The following TPD52L1 variants were observed in gnomAD, a reference collection of about 807,000 sequenced individuals.
TPD52L1 encodes tumor protein D53.
In TPD52L1, 18 loss-of-function variants were observed where a neutral mutation model predicts 28.7. That is an observed-to-expected ratio of 0.63 (90% CI 0.43 to 0.93). The LOEUF (loss-of-function observed/expected upper bound fraction) is 0.93. Among genes scored for constraint, TPD52L1 ranks in the 40% least tolerant of loss-of-function variants. The probability of loss-of-function intolerance (pLI) is 0.00; values close to 1 mark genes in which losing one functional copy is unlikely to be tolerated. For synonymous variants in TPD52L1, 75 were observed against 88.8 expected, an observed-to-expected ratio of 0.84 and a Z score of 0.88; for missense variants, 203 against 254.8, an observed-to-expected ratio of 0.80 and a Z score of 1.39.
At chr6:125,216,543 A>G (rs1209144648) in intron 1 of TPD52L1, among the ~76,000 whole-genome samples, 3 of 93,330 alleles carry the variant, frequency 3.2e-5, no homozygotes, top group African/African-American at 9.9e-5. Context: ...ATATATATAT[A>G]TATATATATA....
intron 1 of TPD52L1, among the ~76,000 whole-genome samples, chr6:125,206,588 T>G (rs1794157904): frequency 6.6e-6 from 1 of 152,192 alleles, no homozygotes. Context: ...TGTGACAGCC[T>G]ACATGGCTTA....
intron 1 of TPD52L1, among the ~76,000 whole-genome samples, chr6:125,199,068 GC>G (rs1402045589): frequency 2.0e-5 from 3 of 152,160 alleles, no homozygotes; most frequent in African/African-American, 4.8e-5. Flanking sequence ...AGGACAAAAA[GC>G]CTATCAAATC....
chr6:125,189,497 C>A (rs1332760412), intron 1 of TPD52L1, among the ~76,000 whole-genome samples: 2 of 152,216 alleles, frequency 1.3e-5, no homozygotes, highest in African/African-American at 4.8e-5. Flanking sequence ...GCCTCTTTTA[C>A]AATATACCTA....
At chr6:125,248,719 T>C (rs1397748592) in intron 4 of TPD52L1, among the ~76,000 whole-genome samples, 1 of 152,134 alleles carries the variant, frequency 6.6e-6, no homozygotes, top group Admixed American at 6.6e-5. Context: ...AATTAAAACA[T>C]GCATTTAGTG....
intron 2 of TPD52L1, 29 bp from the exon 3 acceptor site, chr6:125,229,089 T>TCCCCCACCATTTC (rs1325304421): frequency 6.2e-7 from 1 of 1,603,262 alleles, no homozygotes; most frequent in Non-Finnish European, 8.5e-7. Context: ...TCTGACATTT[T>TCCCCCACCATTTC]CCCCCACCAT....
intron 4 of TPD52L1, 69 bp from the exon 5 acceptor site, chr6:125,253,648 T>G: frequency 7.2e-7 from 1 of 1,392,432 alleles, no homozygotes; most frequent in Non-Finnish European, 1.0e-6. Flanking sequence ...GAATAGGGAG[T>G]TTTTCATGTA....
chr6:125,182,835 G>A (rs572223967), intron 1 of TPD52L1, among the ~76,000 whole-genome samples: 2 of 152,300 alleles, frequency 1.3e-5, no homozygotes, highest in South Asian at 4.1e-4. Context: ...GGGAACTTAA[G>A]CAGCTTGTGT....
intron 2 of TPD52L1, among the ~76,000 whole-genome samples, chr6:125,225,167 AT>A (rs1461692348): frequency 6.6e-6 from 1 of 152,156 alleles, no homozygotes; most frequent in Non-Finnish European, 1.5e-5. Context: ...ATGTTGTAGC[AT>A]GTTTTAGTAC....
intron 1 of TPD52L1, among the ~76,000 whole-genome samples, chr6:125,217,382 A>G (rs924006732): frequency 6.6e-6 from 1 of 152,164 alleles, no homozygotes; most frequent in Admixed American, 6.5e-5. Context: ...TTACAACTAG[A>G]CGGTCCCATC....
At chr6:125,254,961 C>G (rs117474111) in intron 5 of TPD52L1, among the ~76,000 whole-genome samples, 1 of 152,146 alleles carries the variant, frequency 6.6e-6, no homozygotes, top group African/African-American at 2.4e-5. Flanking sequence ...GAAATTCACC[C>G]TCAGTATTTA....
At chr6:125,189,886 A>G (rs12523698) in intron 1 of TPD52L1, among the ~76,000 whole-genome samples, 2,488 of 152,314 alleles carry the variant, frequency 0.016, 223 homozygotes, top group Admixed American at 0.15. Flanking sequence ...AGTAAAAGCA[A>G]TAGCAATAAT....
At chr6:125,232,767 T>C (rs1796026230) in intron 3 of TPD52L1, among the ~76,000 whole-genome samples, 1 of 152,156 alleles carries the variant, frequency 6.6e-6, no homozygotes, top group African/African-American at 2.4e-5. Context: ...AATTACCTCC[T>C]TTACAGAAAG....
chr6:125,207,975 C>T (rs1301042560), intron 1 of TPD52L1, among the ~76,000 whole-genome samples: 1 of 152,180 alleles, frequency 6.6e-6, no homozygotes, highest in African/African-American at 2.4e-5. Flanking sequence ...AAAAGAAACA[C>T]ACACATTTAT....
chr6:125,181,122 A>T (rs1451992354), intron 1 of TPD52L1, among the ~76,000 whole-genome samples: 1 of 152,152 alleles, frequency 6.6e-6, no homozygotes, highest in Non-Finnish European at 1.5e-5. Context: ...CCAGTAATGA[A>T]TACGATGTTA....
chr6:125,213,655 A>G (rs984365957), intron 1 of TPD52L1, among the ~76,000 whole-genome samples: 1 of 152,044 alleles, frequency 6.6e-6, no homozygotes, highest in Admixed American at 6.5e-5. Flanking sequence ...TCTGAATCCT[A>G]TCCATGGTTA....
chr6:125,196,803 A>G (rs1283127071), intron 1 of TPD52L1, among the ~76,000 whole-genome samples: 3 of 152,210 alleles, frequency 2.0e-5, no homozygotes, highest in Non-Finnish European at 4.4e-5. Context: ...CCTTATTTAT[A>G]CATGAGGTAT....
chr6:125,260,975 A>G (rs1448048109), intron 6 of TPD52L1: 1 of 44,450 alleles, frequency 2.2e-5, no homozygotes, highest in African/African-American at 2.0e-4. Flanking sequence ...AAAGAAAGAA[A>G]GAAAAGAAAA....
chr6:125,185,327 T>C (rs1792528809), intron 1 of TPD52L1, among the ~76,000 whole-genome samples: 1 of 152,188 alleles, frequency 6.6e-6, no homozygotes, highest in African/African-American at 2.4e-5. Flanking sequence ...TATATAGAAT[T>C]TCATGTCCTT....
At chr6:125,184,459 C>A (rs1792451919) in intron 1 of TPD52L1, among the ~76,000 whole-genome samples, 1 of 152,198 alleles carries the variant, frequency 6.6e-6, no homozygotes, top group Non-Finnish European at 1.5e-5. Context: ...ATTTCACTGA[C>A]CAAGCCAAAG....
Sources: allele counts gnomAD v4.1 joint callset (sites outside exome capture counted in the v4.1 genomes callset), GRCh38; gene constraint gnomAD v4.1.1; transcripts MANE v1.5; gene names NCBI Gene and HGNC (gene_info 2026-07-23, HGNC 2026-07-21).